Variants in KHDRBS2 observed in about 807,000 individuals in gnomAD.
The protein encoded by KHDRBS2 is KH domain-containing, RNA-binding, signal transduction-associated protein 2.
Under a neutral mutation model 44.3 loss-of-function variants are expected in KHDRBS2, and 26 were observed. That is an observed-to-expected ratio of 0.59 (90% confidence interval 0.43 to 0.81). The LOEUF (loss-of-function observed/expected upper bound fraction) is 0.81, where lower values mean the gene tolerates loss of function less well. KHDRBS2 is among the 40% of genes least tolerant of loss of function. The pLI is 0.00. For synonymous variants in KHDRBS2, 194 were observed against 151.1 expected, an observed-to-expected ratio of 1.28 and a Z score of -2.08; for missense variants, 476 against 433.1, an observed-to-expected ratio of 1.10 and a Z score of -0.88.
intron 6 of KHDRBS2, among the ~76,000 whole-genome samples, chr6:61,849,393 T>C (rs1037321667): frequency 4.6e-5 from 7 of 152,118 alleles, no homozygotes; most frequent in Non-Finnish European, 7.4e-5. Flanking sequence ...GAACAATTTA[T>C]ATTTCCAAAT....
intron 7 of KHDRBS2, among the ~76,000 whole-genome samples, chr6:61,709,307 T>G (rs1393091818): frequency 6.6e-6 from 1 of 151,602 alleles, no homozygotes; most frequent in African/African-American, 2.4e-5. Flanking sequence ...ATAGGCGGAT[T>G]ATTCATGAGG....
At chr6:61,599,856 C>T in the KHDRBS2 span, among the ~76,000 whole-genome samples, 1 of 152,100 alleles carries the variant, frequency 6.6e-6, no homozygotes, top group African/African-American at 2.4e-5. Context: ...TGGCAGAGAC[C>T]AGTAAAGAGT....
At chr6:61,882,728 AT>A (rs970843434) in intron 6 of KHDRBS2, among the ~76,000 whole-genome samples, 15 of 152,036 alleles carry the variant, frequency 9.9e-5, no homozygotes, top group Admixed American at 2.0e-4. Context: ...TGATAGAAGG[AT>A]TTAGCAGCCT....
the KHDRBS2 span, among the ~76,000 whole-genome samples, chr6:61,580,981 A>G: frequency 3.9e-5 from 6 of 152,208 alleles, no homozygotes; most frequent in Non-Finnish European, 8.8e-5. Context: ...GAACTAATTT[A>G]GTACAAATAA....
chr6:61,625,010 G>A, the KHDRBS2 span, among the ~76,000 whole-genome samples: 3 of 152,116 alleles, frequency 2.0e-5, no homozygotes, highest in South Asian at 2.1e-4. Flanking sequence ...ATCCTGGCAG[G>A]AGAAATTGAA....
chr6:61,856,308 T>C (rs567022823), intron 6 of KHDRBS2, among the ~76,000 whole-genome samples: 4 of 152,128 alleles, frequency 2.6e-5, no homozygotes, highest in Non-Finnish European at 2.9e-5. Context: ...ACAAGTAACA[T>C]TGATTTGCCT....
chr6:62,161,944 A>C (rs1817746781), intron 2 of KHDRBS2, among the ~76,000 whole-genome samples: 1 of 152,094 alleles, frequency 6.6e-6, no homozygotes, highest in South Asian at 2.1e-4. Flanking sequence ...TTGATGTCAC[A>C]AAATTACATC....
chr6:61,748,171 A>G (rs1349163222), intron 6 of KHDRBS2, among the ~76,000 whole-genome samples: 2 of 152,060 alleles, frequency 1.3e-5, no homozygotes, highest in Non-Finnish European at 2.9e-5. Context: ...TTGTATTTTT[A>G]GTAGAGACGG....
At chr6:62,187,709 G>A (rs1823732174) in intron 1 of KHDRBS2, among the ~76,000 whole-genome samples, 1 of 151,950 alleles carries the variant, frequency 6.6e-6, no homozygotes, top group African/African-American at 2.4e-5. Flanking sequence ...TTTTTTGCGG[G>A]GGAGGGGACG....
intron 3 of KHDRBS2, among the ~76,000 whole-genome samples, chr6:61,998,137 T>A (rs1323756493): frequency 6.6e-6 from 1 of 152,172 alleles, no homozygotes; most frequent in Non-Finnish European, 1.5e-5. Context: ...ATACATTTAG[T>A]TAAATGAAGA....
chr6:61,842,001 G>C (rs1261806195), intron 6 of KHDRBS2, among the ~76,000 whole-genome samples: 1 of 152,130 alleles, frequency 6.6e-6, no homozygotes. Flanking sequence ...TCCTTCCTCA[G>C]TGAACTGACA....
chr6:62,269,930 A>T (rs1043530102), intron 1 of KHDRBS2, among the ~76,000 whole-genome samples: 1 of 152,284 alleles, frequency 6.6e-6, no homozygotes, highest in Admixed American at 6.5e-5. Flanking sequence ...TAAATGCAAC[A>T]ACATGGATGA....
chr6:62,052,982 G>T (rs559824813), intron 2 of KHDRBS2, among the ~76,000 whole-genome samples: 1 of 151,934 alleles, frequency 6.6e-6, no homozygotes, highest in Non-Finnish European at 1.5e-5. Context: ...AGTAGATTTT[G>T]GCTGCACTTG....
chr6:61,953,266 GC>G (rs1664758326), intron 4 of KHDRBS2, among the ~76,000 whole-genome samples: 1 of 151,938 alleles, frequency 6.6e-6, no homozygotes, highest in South Asian at 2.1e-4. Flanking sequence ...CTTAAATGAT[GC>G]CATCCAAGAC....
chr6:61,716,400 C>A (rs1771433060), intron 7 of KHDRBS2, among the ~76,000 whole-genome samples: 1 of 151,988 alleles, frequency 6.6e-6, no homozygotes, highest in Non-Finnish European at 1.5e-5. Flanking sequence ...TTTGCTAAGA[C>A]TCCAGATGTA....
intron 6 of KHDRBS2, among the ~76,000 whole-genome samples, chr6:61,835,075 T>G (rs1792436339): frequency 6.6e-6 from 1 of 152,054 alleles, no homozygotes; most frequent in Non-Finnish European, 1.5e-5. Context: ...CAGATTTTAC[T>G]TTCATCAGGT....
the KHDRBS2 span, among the ~76,000 whole-genome samples, chr6:61,598,831 TC>T: frequency 0.027 from 1,143 of 43,120 alleles, 43 homozygotes; most frequent in Non-Finnish European, 0.033. Flanking sequence ...TGTCCTTTTT[TC>T]TTTTCTTTTT....
intron 6 of KHDRBS2, among the ~76,000 whole-genome samples, chr6:61,740,612 C>G (rs1378255085): frequency 6.6e-6 from 1 of 151,914 alleles, no homozygotes; most frequent in Admixed American, 6.6e-5. Flanking sequence ...TGAATGATAA[C>G]TCTAACATCT....
intron 2 of KHDRBS2, among the ~76,000 whole-genome samples, chr6:62,114,095 C>A (rs2150077287): frequency 6.6e-6 from 1 of 152,192 alleles, no homozygotes; most frequent in Non-Finnish European, 1.5e-5. Flanking sequence ...CACTCACTAT[C>A]ATGAGAACAG....
Sources: gnomAD v4.1 joint callset for allele counts (sites outside exome capture counted in the v4.1 genomes callset) on GRCh38, gnomAD v4.1.1 for gene constraint, MANE v1.5 for transcripts, NCBI Gene and HGNC (gene_info 2026-07-23, HGNC 2026-07-21) for gene names.